The following EPHA6 variants were observed in gnomAD, a reference collection of about 807,000 sequenced individuals.
The protein encoded by EPHA6 is EPH receptor A6.
A neutral mutation model predicts 112.0 loss-of-function variants in EPHA6; 50 were observed. The ratio of observed to expected loss-of-function variants is 0.45; its 90% CI spans 0.36 to 0.56. The LOEUF (loss-of-function observed/expected upper bound fraction) is 0.56. EPHA6 is among the 20% of genes least tolerant of loss of function. The pLI is 0.00. For missense variants in EPHA6, 1,280 were observed against 1,417.4 expected (o/e 0.90, Z 1.56); for synonymous variants, 529 against 490.7 (o/e 1.08, Z -1.03).
intron 7 of EPHA6, among the ~76,000 whole-genome samples, chr3:97,470,894 A>G (rs1018420344): frequency 5.9e-5 from 9 of 151,764 alleles, no homozygotes; most frequent in African/African-American, 2.2e-4. Flanking sequence ...CCAATCAGTG[A>G]GTCACAAATA....
chr3:96,903,189 G>A (rs2038714306), intron 2 of EPHA6, among the ~76,000 whole-genome samples: 1 of 152,086 alleles, frequency 6.6e-6, no homozygotes, highest in Non-Finnish European at 1.5e-5. Context: ...CTTGGGAGAG[G>A]TGTAATATAG....
intron 13 of EPHA6, among the ~76,000 whole-genome samples, chr3:97,636,603 T>C (rs978856140): frequency 7.9e-5 from 12 of 152,102 alleles, no homozygotes; most frequent in African/African-American, 2.9e-4. Context: ...AAGACAAAGT[T>C]TATTTCATTT....
At chr3:97,305,555 A>G (rs909285276) in intron 5 of EPHA6, among the ~76,000 whole-genome samples, 7 of 152,134 alleles carry the variant, frequency 4.6e-5, no homozygotes, top group African/African-American at 1.4e-4. Context: ...GAATGATAAC[A>G]TGTCCTTTGC....
intron 14 of EPHA6, among the ~76,000 whole-genome samples, chr3:97,705,313 C>T (rs1185748824): frequency 6.6e-6 from 1 of 152,140 alleles, no homozygotes; most frequent in Non-Finnish European, 1.5e-5. Context: ...TAACTCTATT[C>T]ATCTTTCATA....
chr3:96,918,713 G>A (rs2039608382), intron 2 of EPHA6, among the ~76,000 whole-genome samples: 1 of 151,940 alleles, frequency 6.6e-6, no homozygotes, highest in South Asian at 2.1e-4. Context: ...AAAACATATA[G>A]GAAGGTATAA....
At chr3:97,026,845 G>T (rs1296794223) in intron 3 of EPHA6, among the ~76,000 whole-genome samples, 2 of 152,100 alleles carry the variant, frequency 1.3e-5, no homozygotes, top group Admixed American at 6.6e-5. Flanking sequence ...TAGTGAGAGT[G>T]TAAATTAGTT....
intron 5 of EPHA6, among the ~76,000 whole-genome samples, chr3:97,373,024 C>A (rs1241397948): frequency 2.0e-5 from 3 of 152,038 alleles, no homozygotes; most frequent in South Asian, 4.1e-4. Context: ...CATTATTGTG[C>A]TTTTCTGTTT....
intron 2 of EPHA6, among the ~76,000 whole-genome samples, chr3:96,953,769 C>G (rs1048159509): frequency 6.6e-5 from 10 of 152,194 alleles, no homozygotes; most frequent in African/African-American, 2.4e-4. Context: ...ACCCCATATT[C>G]AAACCATTAG....
In EPHA6 at chr3:97,059,098, G is replaced by A. The variant is rs184626862; in HGVS notation, c.1114+71105G>A. On this transcript the variant is annotated intron_variant, in intron 3 of 17. Transcript: ENST00000389672. Reference sequence around the variant, plus strand: ...CTTAAGTAAAATATACAAAAGCAAAGCAGCTGGAGAATAAGAAAACTATTG... The same window carrying A: ...CTTAAGTAAAATATACAAAAGCAAAACAGCTGGAGAATAAGAAAACTATTG... Among the ~76,000 whole-genome samples the A allele has an allele frequency of 4.6e-5, 7 of 152,244 alleles. No homozygotes were observed. The East Asian group carries it at 1.4e-3, about 29-fold the overall frequency.
At chr3:97,543,894 T>A (rs955257920) in intron 11 of EPHA6, among the ~76,000 whole-genome samples, 1 of 152,072 alleles carries the variant, frequency 6.6e-6, no homozygotes, top group African/African-American at 2.4e-5. Flanking sequence ...TGGCTCTCTG[T>A]CTGTTATTGG....
At chr3:97,212,321 A>G (rs539439588) in intron 3 of EPHA6, among the ~76,000 whole-genome samples, 1 of 152,208 alleles carries the variant, frequency 6.6e-6, no homozygotes, top group Non-Finnish European at 1.5e-5. Flanking sequence ...ATCTGGGAAT[A>G]TAACATTAAG....
intron 3 of EPHA6, among the ~76,000 whole-genome samples, chr3:97,190,230 CA>C (rs1189848021): frequency 6.6e-6 from 1 of 152,092 alleles, no homozygotes; most frequent in African/African-American, 2.4e-5. Context: ...GTTACCACTT[CA>C]AAATTCATTG....
intron 3 of EPHA6, among the ~76,000 whole-genome samples, chr3:97,049,835 T>G (rs1333338715): frequency 6.6e-6 from 1 of 152,056 alleles, no homozygotes; most frequent in East Asian, 1.9e-4. Context: ...CACTCACCCT[T>G]GAGGGGAGAT....
chr3:97,484,112 C>T, intron 10 of EPHA6, 53 bp downstream of exon 10: 4 of 1,529,696 alleles, frequency 2.6e-6, no homozygotes, highest in Non-Finnish European at 2.6e-6. Flanking sequence ...TTCTTTGTAA[C>T]TGGTTTATCA....
chr3:96,968,837 C>CTTTAGAAAAAGA (rs1295772990), intron 2 of EPHA6, among the ~76,000 whole-genome samples: 1 of 151,576 alleles, frequency 6.6e-6, no homozygotes, highest in African/African-American at 2.4e-5. Context: ...CTTTCTTTTC[C>CTTTAGAAAAAGA]TTAAGAAAAG....
At position 97,655,838 on chromosome 3, in the gene EPHA6, A is replaced by G. The variant is rs565400897; in HGVS notation, c.2784+17756A>G. Among the ~76,000 whole-genome samples, 7 of 151,920 alleles carry G rather than the reference A, an allele frequency of 4.6e-5. No homozygotes were observed. In the South Asian group the frequency reaches 1.2e-3, roughly 27 times the overall value. On this transcript the variant is annotated intron_variant, in intron 14 of 17. Transcript: ENST00000389672. ...GAGTTAATGGGTGCAGCACACCAAC[A>G]TGGCACATGTATACATATGTAACAA...
chr3:97,297,311 C>T (rs1373458513), intron 5 of EPHA6, among the ~76,000 whole-genome samples: 2 of 152,128 alleles, frequency 1.3e-5, no homozygotes, highest in African/African-American at 2.4e-5. Flanking sequence ...TCAGTGTTCT[C>T]TCTTAAATGC....
intron 14 of EPHA6, among the ~76,000 whole-genome samples, chr3:97,666,393 G>C (rs1293987788): frequency 6.6e-6 from 1 of 152,192 alleles, no homozygotes; most frequent in Non-Finnish European, 1.5e-5. Flanking sequence ...AAGTTTTAGG[G>C]CTAGAAGTCT....
In EPHA6 at chr3:97,165,507, G is replaced by A. The variant is rs2076520880; in HGVS notation, c.1115-60757G>A. On this transcript the variant is annotated intron_variant, in intron 3 of 17. Coordinates refer to ENST00000389672, the MANE Select transcript of EPHA6 (RefSeq NM_001080448.3). Reference sequence around the variant, plus strand: ...TAAGATCATGGGGCAGTGGAAATCAGAGCAAATATATCTACAGTGTCTGGT... The same window carrying A: ...TAAGATCATGGGGCAGTGGAAATCAAAGCAAATATATCTACAGTGTCTGGT... Among the ~76,000 whole-genome samples, 3 of 152,120 alleles carry A rather than the reference G, an allele frequency of 2.0e-5. No homozygotes were observed. In the South Asian group the frequency reaches 6.2e-4, roughly 31 times the overall value.
Sources: gnomAD v4.1 joint callset for allele counts (sites outside exome capture counted in the v4.1 genomes callset) on GRCh38, gnomAD v4.1.1 for gene constraint, MANE v1.5 for transcripts, NCBI Gene and HGNC (gene_info 2026-07-23, HGNC 2026-07-21) for gene names.